The following PTK2B variants were observed in gnomAD, a reference collection of about 807,000 sequenced individuals.
PTK2B encodes protein tyrosine kinase 2 beta.
PTK2B carries 71 observed loss-of-function variants against 142.9 expected under a neutral mutation model. The observed-to-expected ratio is 0.50, with a 90% confidence interval of 0.41 to 0.61. PTK2B has a LOEUF of 0.61. PTK2B is among the 20% of genes least tolerant of loss of function. The probability of loss-of-function intolerance (pLI) is 0.00; values close to 1 mark genes in which losing one functional copy is unlikely to be tolerated. For missense variants in PTK2B, 1,105 were observed against 1,320.4 expected, an observed-to-expected ratio of 0.84 and a Z score of 2.53; for synonymous variants, 519 against 503.4, an observed-to-expected ratio of 1.03 and a Z score of -0.42.
chr8:27,436,594 G>A (rs1810792489), intron 15 of PTK2B, among the ~76,000 whole-genome samples: 2 of 152,114 alleles, frequency 1.3e-5, no homozygotes, highest in African/African-American at 2.4e-5. Flanking sequence ...CCTGGAGAAG[G>A]GTCAGTATTC....
At chr8:27,421,802 G>A (rs1399749548) in intron 4 of PTK2B, among the ~76,000 whole-genome samples, 5 of 152,322 alleles carry the variant, frequency 3.3e-5, no homozygotes, top group African/African-American at 9.6e-5. Context: ...GACAGAATGC[G>A]TATGGAGTGC....
intron 27 of PTK2B, chr8:27,452,720 G>A (rs974142199): frequency 1.3e-5 from 3 of 226,524 alleles, no homozygotes; most frequent in African/African-American, 2.3e-5. Flanking sequence ...TTTACCCCAT[G>A]AGCTGCTGTC....
chr8:27,375,703 A>C (rs1806626425), intron 1 of PTK2B, among the ~76,000 whole-genome samples: 1 of 152,084 alleles, frequency 6.6e-6, no homozygotes. Flanking sequence ...TCCCTGTCCC[A>C]TGTGCCTCTC....
intron 1 of PTK2B, among the ~76,000 whole-genome samples, chr8:27,365,741 A>T (rs1805984494): frequency 6.6e-6 from 1 of 152,252 alleles, no homozygotes; most frequent in African/African-American, 2.4e-5. Flanking sequence ...TATTATGAGT[A>T]GTAGCCTGTG....
At chr8:27,370,838 C>T (rs1286229410) in intron 1 of PTK2B, among the ~76,000 whole-genome samples, 1 of 152,202 alleles carries the variant, frequency 6.6e-6, no homozygotes, top group Non-Finnish European at 1.5e-5. Flanking sequence ...CAGTGGGTTT[C>T]CTCTCTTGGT....
At chr8:27,419,869 T>G in intron 2 of PTK2B, 26 bp from the exon 3 acceptor site, 3 of 1,612,786 alleles carry the variant, frequency 1.9e-6, no homozygotes, top group Non-Finnish European at 2.5e-6. Flanking sequence ...CACCCCTGAG[T>G]CATGCCTCTC....
chr8:27,358,014 C>G (rs568846798), intron 1 of PTK2B, among the ~76,000 whole-genome samples: 1 of 152,230 alleles, frequency 6.6e-6, no homozygotes, highest in South Asian at 2.1e-4. Flanking sequence ...TTGGGGTAAC[C>G]AAGCCAACCT....
chr8:27,411,086 A>T (rs2131644445), intron 2 of PTK2B, among the ~76,000 whole-genome samples: 1 of 152,366 alleles, frequency 6.6e-6, no homozygotes, highest in East Asian at 1.9e-4. Context: ...GACAGTTTTT[A>T]AAAATCATGG....
intron 1 of PTK2B, chr8:27,380,513 C>T (rs1036031041): frequency 6.6e-5 from 10 of 151,212 alleles, no homozygotes; most frequent in Admixed American, 1.3e-4. Context: ...ATTTTCTGAA[C>T]GCTGAATGAT....
At chr8:27,353,597 C>T (rs186076503) in intron 1 of PTK2B, among the ~76,000 whole-genome samples, 1 of 152,318 alleles carries the variant, frequency 6.6e-6, no homozygotes, top group Admixed American at 6.5e-5. Flanking sequence ...CACCATAGCA[C>T]AGCCCTGTAT....
At chr8:27,354,613 G>T (rs1805292598) in intron 1 of PTK2B, among the ~76,000 whole-genome samples, 1 of 152,216 alleles carries the variant, frequency 6.6e-6, no homozygotes, top group South Asian at 2.1e-4. Flanking sequence ...GACATCCGAA[G>T]TGCTTGAAAA....
At chr8:27,369,486 A>G (rs912637157) in intron 1 of PTK2B, among the ~76,000 whole-genome samples, 1 of 152,152 alleles carries the variant, frequency 6.6e-6, no homozygotes, top group Non-Finnish European at 1.5e-5. Context: ...CCTGGCCAAC[A>G]TGGTAAAACC....
At position 27,445,919 on chromosome 8, in the gene PTK2B, G is replaced by T; in HGVS notation, c.2340G>T (p.Arg780=). 1 of 1,613,392 alleles carries T rather than the reference G, an allele frequency of 6.2e-7. No homozygotes were observed. ...RHNVFKRHSM[R]EEDFIQPSSR... is the part of the protein sequence containing the mutation. ...ATGTCTTCAAACGCCACAGCATGCGGGTAAGAGGGCTCTGCATGCTGGTCC... is the reference window on the plus strand; with the variant it reads ...ATGTCTTCAAACGCCACAGCATGCGTGTAAGAGGGCTCTGCATGCTGGTCC... Residue 780 remains arginine, a splice_region_variant and synonymous_variant, in exon 24 of 31, where the codon CGG becomes CGT. Transcript: ENST00000346049.
rs945621897 is a variant in PTK2B at position 27,443,088 on chromosome 8, C to T, written c.2148+105C>T. ...CACAGGCAGGATGCCCCCTACAGCC[C>T]TTTCTCAGTCCTTCACCCAGCATCC... On this transcript the variant is annotated intron_variant, in intron 22 of 30. Coordinates refer to ENST00000346049, the MANE Select transcript of PTK2B (RefSeq NM_173176.3). The T allele has an allele frequency of 3.6e-5, 25 of 691,380 alleles. No individual in the cohort carries two copies. In the African/African-American group the frequency reaches 3.9e-4, roughly 11 times the overall value. The allele number at this position is 691,380 out of a possible 1,614,324, so 42.8% of individuals were successfully genotyped here.
At chr8:27,317,754 A>G (rs1250706980) in intron 3 of PTK2B, among the ~76,000 whole-genome samples, 1 of 152,212 alleles carries the variant, frequency 6.6e-6, no homozygotes, top group Non-Finnish European at 1.5e-5. Context: ...AGCTTCCCTC[A>G]CATTCCCTGC....
chr8:27,370,149 A>G (rs1242582894), intron 1 of PTK2B, among the ~76,000 whole-genome samples: 1 of 152,222 alleles, frequency 6.6e-6, no homozygotes, highest in Non-Finnish European at 1.5e-5. Context: ...ACCTGGCTAT[A>G]TCATTATCAG....
chr8:27,402,518 A>T (rs1808444589), intron 2 of PTK2B, among the ~76,000 whole-genome samples: 1 of 152,236 alleles, frequency 6.6e-6, no homozygotes, highest in Non-Finnish European at 1.5e-5. Context: ...TGTGAATGAG[A>T]TCATTTGGGA....
chr8:27,393,105 A>G (rs994215462), intron 1 of PTK2B, among the ~76,000 whole-genome samples: 2 of 152,192 alleles, frequency 1.3e-5, no homozygotes, highest in African/African-American at 4.8e-5. Context: ...CTGGTTTGGG[A>G]TCTAAGTTTG....
At chr8:27,423,333 C>T (rs1041093597) in intron 5 of PTK2B, among the ~76,000 whole-genome samples, 1 of 152,170 alleles carries the variant, frequency 6.6e-6, no homozygotes, top group Non-Finnish European at 1.5e-5. Flanking sequence ...TCACCCTCTC[C>T]TTCCCTTCTC....
Sources: gnomAD v4.1 joint callset for allele counts (sites outside exome capture counted in the v4.1 genomes callset) on GRCh38, gnomAD v4.1.1 for gene constraint, MANE v1.5 for transcripts, NCBI Gene and HGNC (gene_info 2026-07-23, HGNC 2026-07-21) for gene names.